The following ZNF711 variants were observed in gnomAD, a reference collection of about 807,000 sequenced individuals.
ZNF711 encodes ZFX family zinc finger ZNF711.
A neutral mutation model predicts 43.5 loss-of-function variants in ZNF711; 3 were observed. That is an observed-to-expected ratio of 0.07 (90% CI 0.03 to 0.18). The LOEUF (loss-of-function observed/expected upper bound fraction) is 0.18. ZNF711 is among the 10% of genes least tolerant of loss of function. The pLI is 1.00. For missense variants in ZNF711, 412 were observed against 604.0 expected, an observed-to-expected ratio of 0.68 and a Z score of 3.33; for synonymous variants, 209 against 207.7, an observed-to-expected ratio of 1.01 and a Z score of -0.06.
chrX:85,271,241 T>C lies in ZNF711; in HGVS notation c.1837T>C (p.Cys613Arg), dbSNP rs942689924. Residue 613 changes from cysteine (C) to arginine (R), a missense_variant, in exon 11 of 11, where the codon TGT becomes CGT. Physicochemically the swap from Cys to Arg is radical, Grantham distance 180 (BLOSUM62 -3). Coordinates refer to ENST00000674551, the MANE Select transcript of ZNF711 (RefSeq NM_001330574.2). Reference protein sequence around the residue: ...GNNLPYKCEHCPQAFGDEREL... With the variant: ...GNNLPYKCEHRPQAFGDEREL... ...CAATTTGCCATATAAATGTGAGCAT[T>C]GTCCCCAAGCATTTGGTGATGAGAG... 1 of 1,207,926 alleles carries C rather than the reference T, an allele frequency of 8.3e-7. No homozygotes were observed. Among genetic ancestry groups the C allele is most frequent in the Non-Finnish European group, 1.1e-6 (1 of 894,299 alleles).
chrX:85,250,140 A>G (rs1481552497), intron 4 of ZNF711, among the ~76,000 whole-genome samples: 1 of 112,463 alleles, frequency 8.9e-6, no homozygotes, highest in East Asian at 2.8e-4. Context: ...TTAATCCACT[A>G]GAAATATTAT....
At chrX:85,245,340 A>G (rs1372329440) in intron 1 of ZNF711, among the ~76,000 whole-genome samples, 1 of 112,370 alleles carries the variant, frequency 8.9e-6, no homozygotes, top group Non-Finnish European at 1.9e-5. Flanking sequence ...TTCAATAAGG[A>G]TGTGAGATAC....
chrX:85,267,506 T>C (rs1931186462), intron 8 of ZNF711, 91 bp downstream of exon 8: 1 of 718,789 alleles, frequency 1.4e-6, no homozygotes, highest in Non-Finnish European at 1.9e-6. Context: ...AATGCCACCA[T>C]GAATTGGCTA....
At chrX:85,266,758 A>G (rs1254691723) in intron 7 of ZNF711, among the ~76,000 whole-genome samples, 1 of 108,968 alleles carries the variant, frequency 9.2e-6, no homozygotes, top group East Asian at 2.9e-4. Context: ...CCTATTGAAG[A>G]GTGTCCACAT....
At chrX:85,264,478 A>G (rs752828015) in intron 6 of ZNF711, 48 bp downstream of exon 6, 1 of 1,115,652 alleles carries the variant, frequency 9.0e-7, no homozygotes, top group Admixed American at 2.7e-5. Flanking sequence ...GTTATAATTT[A>G]TTATATTTTC....
intron 5 of ZNF711, among the ~76,000 whole-genome samples, chrX:85,258,340 T>G (rs1930354606): frequency 9.0e-6 from 1 of 110,682 alleles, no homozygotes; most frequent in South Asian, 3.8e-4. Context: ...ATGCAAAGCA[T>G]AAGAATGATA....
chrX:85,255,834 G>A, intron 5 of ZNF711, 33 bp downstream of exon 5: 1 of 1,189,410 alleles, frequency 8.4e-7, no homozygotes, highest in South Asian at 1.8e-5. Flanking sequence ...AATTACTCAG[G>A]AGATTGATTT....
intron 5 of ZNF711, among the ~76,000 whole-genome samples, chrX:85,260,772 G>A (rs73513614): frequency 0.026 from 2,854 of 110,097 alleles, 97 homozygotes; most frequent in African/African-American, 0.089. Flanking sequence ...CAGTACATTT[G>A]ACCCTTGAAC....
chrX:85,255,706 C>G lies in ZNF711; in HGVS notation c.527C>G (p.Ala176Gly), dbSNP rs1286809099. Residue 176 changes from alanine to glycine, a missense_variant, in exon 5 of 11, where the codon GCT becomes GGT. Coordinates refer to ENST00000674551, the MANE Select transcript of ZNF711 (RefSeq NM_001330574.2). ...GATACAGAAACTGTGATTCAAGCAG[C>G]TGGAGGTGTTCCTGGTTCTACAGTT... ...NSDTETVIQA[A>G]GGVPGSTVTI... The G allele has an allele frequency of 9.9e-6, 12 of 1,208,789 alleles. No individual in the cohort carries two copies. The highest frequency in any genetic ancestry group is 1.1e-5 in the Non-Finnish European group (10 of 894,795).
intron 4 of ZNF711, among the ~76,000 whole-genome samples, chrX:85,250,024 A>T (rs760024599): frequency 8.9e-6 from 1 of 112,678 alleles, no homozygotes; most frequent in South Asian, 3.6e-4. Flanking sequence ...ATGTATCAGT[A>T]CATACTTCAT....
intron 5 of ZNF711, 95 bp downstream of exon 5, chrX:85,255,896 T>C (rs1930090191): frequency 7.1e-6 from 6 of 847,656 alleles, no homozygotes; most frequent in South Asian, 5.3e-5. Flanking sequence ...ATAAAAGTTA[T>C]AGGGGAATCT....
chrX:85,263,745 T>C, intron 5 of ZNF711, among the ~76,000 whole-genome samples: 1 of 110,857 alleles, frequency 9.0e-6, no homozygotes, highest in Non-Finnish European at 1.9e-5. Flanking sequence ...TGATAGAATT[T>C]GAAGCCGTTT....
intron 5 of ZNF711, among the ~76,000 whole-genome samples, chrX:85,259,080 G>T (rs144905034): frequency 9.0e-6 from 1 of 110,913 alleles, no homozygotes; most frequent in Admixed American, 9.6e-5. Flanking sequence ...GCTAAATTTT[G>T]TATGGTGAAA....
intron 10 of ZNF711, 65 bp from the exon 11 acceptor site, chrX:85,270,586 C>A: frequency 9.8e-7 from 1 of 1,016,026 alleles, no homozygotes; most frequent in Non-Finnish European, 1.4e-6. Context: ...GTTTTGGCAC[C>A]TTTGTTATAA....
In ZNF711 at chrX:85,244,119, A is replaced by ACGGAGGCGGCGG. The variant is rs2147774270; in HGVS notation, c.-474_-463dup. The stretch of plus-strand genomic sequence containing the variant: ...GCGCGGTCACAGTCCGACTGGCGGC[A>ACGGAGGCGGCGG]CGGAGGCGGCGGCGGCGGCGGCGGC... On this transcript the variant is annotated 5_prime_UTR_variant, in exon 1 of 11. Transcript: ENST00000674551. 1 of 146,852 alleles carries ACGGAGGCGGCGG rather than the reference A, an allele frequency of 6.8e-6. No homozygotes were observed. The highest frequency in any genetic ancestry group is 1.8e-4 in the East Asian group (1 of 5,633). The allele number at this position is 146,852 out of a possible 1,213,427, so 12.1% of individuals were successfully genotyped here.
intron 5 of ZNF711, among the ~76,000 whole-genome samples, chrX:85,258,630 T>C (rs746987762): frequency 5.4e-5 from 6 of 110,750 alleles, no homozygotes; most frequent in African/African-American, 1.6e-4. Context: ...GATGTCTCTG[T>C]GGTTTTGATT....
In ZNF711 at chrX:85,270,034, A is replaced by T. The variant is rs1603004803; in HGVS notation, c.1134A>T (p.Arg378Ser). Residue 378 changes from arginine (R) to serine (S), a missense_variant, in exon 10 of 11, where the codon AGA becomes AGT. Arg to Ser is a moderately radical substitution (Grantham distance 110). Around this residue, in one of 4 missense-constraint regions of ZNF711, gnomAD observed 375 missense variants for 514.2 expected, o/e 0.73. Coordinates refer to ENST00000674551, the MANE Select transcript of ZNF711 (RefSeq NM_001330574.2). ...GNTLDSALES[R>S]SSTAAQYLQI... Reference sequence around the variant, plus strand: ...CTTTGGACTCAGCATTAGAAAGCAGAAGTAGTACAGCAGCACAGTACCTTC... The same window carrying T: ...CTTTGGACTCAGCATTAGAAAGCAGTAGTAGTACAGCAGCACAGTACCTTC... The T allele has an allele frequency of 2.5e-6, 3 of 1,210,684 alleles. No individual in the cohort carries two copies. The highest frequency in any genetic ancestry group is 3.4e-6 in the Non-Finnish European group (3 of 894,691).
intron 5 of ZNF711, among the ~76,000 whole-genome samples, chrX:85,257,311 C>T (rs745780393): frequency 2.7e-5 from 3 of 110,757 alleles, no homozygotes; most frequent in Non-Finnish European, 5.7e-5. Context: ...TTTTGGTCCT[C>T]GCCCCACTCC....
At chrX:85,266,636 T>C (rs1931119910) in intron 7 of ZNF711, among the ~76,000 whole-genome samples, 1 of 110,101 alleles carries the variant, frequency 9.1e-6, no homozygotes, top group South Asian at 3.8e-4. Flanking sequence ...TTATATAAAG[T>C]ATATTGTGGC....
Sources: gnomAD v4.1 joint callset for allele counts (sites outside exome capture counted in the v4.1 genomes callset) on GRCh38, gnomAD v4.1.1 for gene constraint, gnomAD v4.1.1 regional missense constraint, MANE v1.5 for transcripts, NCBI Gene and HGNC (gene_info 2026-07-23, HGNC 2026-07-21) for gene names.